FRMD3: variants seen among roughly 807,000 people sequenced by gnomAD.
FRMD3 encodes the protein FERM domain containing 3.
In FRMD3, 33 loss-of-function variants were observed where a neutral mutation model predicts 70.2. That is an observed-to-expected ratio of 0.47 (90% CI 0.36 to 0.63). The LOEUF (loss-of-function observed/expected upper bound fraction) is 0.63, where lower values mean the gene tolerates loss of function less well. Among genes scored for constraint, FRMD3 ranks in the 20% least tolerant of loss-of-function variants. FRMD3 has a pLI of 0.00. For synonymous variants in FRMD3, 279 were observed against 255.9 expected (o/e 1.09, Z -0.86); for missense variants, 632 against 711.4 (o/e 0.89, Z 1.27).
chr9:83,254,560 A>G lies in FRMD3; in HGVS notation c.1196-6044T>C, dbSNP rs938908974. ...AGAGAGAAGTGAAGGAGATAGAGGC[A>G]TAAAAAAAAAAATTCAAAAAGTCAA... On this transcript the variant is annotated intron_variant, in intron 13 of 13. Coordinates refer to ENST00000304195, the MANE Select transcript of FRMD3 (RefSeq NM_174938.6). Among the ~76,000 whole-genome samples, 5 of 151,760 alleles carry G rather than the reference A, an allele frequency of 3.3e-5. No individual in the cohort carries two copies. The South Asian group carries it at 1.0e-3, about 31-fold the overall frequency.
intron 1 of FRMD3, among the ~76,000 whole-genome samples, chr9:83,526,877 CT>C (rs5898832): frequency 0.12 from 17,509 of 142,466 alleles, 1,045 homozygotes; most frequent in East Asian, 0.34. Context: ...GAATAAGCTT[CT>C]TTTTTTTTTT....
chr9:83,443,936 C>CTTTTTAATT (rs1827381987), intron 1 of FRMD3, among the ~76,000 whole-genome samples: 1 of 152,178 alleles, frequency 6.6e-6, no homozygotes, highest in African/African-American at 2.4e-5. Context: ...CCACTGTGCT[C>CTTTTTAATT]TTTTTAATTT....
the FRMD3 span, among the ~76,000 whole-genome samples, chr9:83,550,686 T>TTGTGTGTGTGTGTGTG: frequency 1.3e-5 from 1 of 79,322 alleles, no homozygotes; most frequent in African/African-American, 4.7e-5. Context: ...TAGTCCTAGG[T>TTGTGTGTGTGTGTGTG]AGTGTGTGTG....
intron 1 of FRMD3, among the ~76,000 whole-genome samples, chr9:83,474,596 CAG>C (rs1227556395): frequency 6.6e-6 from 1 of 152,052 alleles, no homozygotes; most frequent in Non-Finnish European, 1.5e-5. Flanking sequence ...GCCTAAAAAA[CAG>C]AGAATACATG....
chr9:83,486,577 T>C (rs1828694914), intron 1 of FRMD3, among the ~76,000 whole-genome samples: 1 of 152,132 alleles, frequency 6.6e-6, no homozygotes, highest in Non-Finnish European at 1.5e-5. Flanking sequence ...AGAAGAAAAC[T>C]TAGGAAATAC....
intron 13 of FRMD3, among the ~76,000 whole-genome samples, chr9:83,282,591 G>A (rs1377028416): frequency 1.3e-5 from 2 of 151,046 alleles, no homozygotes; most frequent in Non-Finnish European, 2.9e-5. Context: ...AGAGTTAAGA[G>A]CTAGAAAGCA....
intron 6 of FRMD3, among the ~76,000 whole-genome samples, chr9:83,328,592 G>A (rs11140028): frequency 0.44 from 66,853 of 152,040 alleles, 15,068 homozygotes; most frequent in Admixed American, 0.5. Flanking sequence ...AAATTAGGAG[G>A]CAAATTAATT....
chr9:83,279,219 A>G (rs1462727450), intron 13 of FRMD3: 5 of 152,194 alleles, frequency 3.3e-5, no homozygotes, highest in Non-Finnish European at 7.3e-5. Context: ...AAAGTTCCCA[A>G]TTGGATGCCT....
chr9:83,508,741 A>C (rs560540658), intron 1 of FRMD3, among the ~76,000 whole-genome samples: 1 of 152,302 alleles, frequency 6.6e-6, no homozygotes, highest in South Asian at 2.1e-4. Context: ...GACAAACTGC[A>C]GCACGTGCCC....
At chr9:83,306,042 TC>T (rs1164117897) in intron 10 of FRMD3, among the ~76,000 whole-genome samples, 1 of 152,172 alleles carries the variant, frequency 6.6e-6, no homozygotes, top group Non-Finnish European at 1.5e-5. Context: ...GTTTTTTCTC[TC>T]CCTTTCTCCT....
upstream of FRMD3, chr9:83,538,558 C>T (rs567894094): frequency 6.6e-5 from 14 of 212,784 alleles, no homozygotes; most frequent in Non-Finnish European, 7.4e-5. The surrounding 1 kb of genome is among the most constrained non-coding windows in gnomAD (Gnocchi z 4.7). Flanking sequence ...CGCACTCACT[C>T]CCACGCGCGC....
rs1176821067 is a variant in FRMD3, at chr9:83,378,504, ATATATATAATATACATATAAAATT to A, written c.253-5573_253-5550del. Among the ~76,000 whole-genome samples, 189 of 80,712 alleles carry A rather than the reference ATATATATAATATACATATAAAATT, an allele frequency of 2.3e-3. 13 individuals carry two copies. Among genetic ancestry groups the A allele is most frequent in the African/African-American group, 8.0e-3 (178 of 22,166 alleles). 53.0% of individuals were successfully genotyped at this position (80,712 alleles called of 152,430 possible). On this transcript the variant is annotated intron_variant, in intron 2 of 13. Coordinates refer to ENST00000304195, the MANE Select transcript of FRMD3 (RefSeq NM_174938.6). ...TATATATAATATACATATAAAATTT[ATATATATAATATACATATAAAATT>A]TATATATATAATATACATATAAAAT...
At chr9:83,273,182 G>A (rs201330368) in intron 13 of FRMD3, among the ~76,000 whole-genome samples, 2,123 of 123,302 alleles carry the variant, frequency 0.017, 2 homozygotes, top group South Asian at 0.021. Context: ...TGGTTTTGTC[G>A]AATAGAAAAG....
At chr9:83,385,165 G>T (rs1330691990) in intron 2 of FRMD3, among the ~76,000 whole-genome samples, 2 of 142,634 alleles carry the variant, frequency 1.4e-5, no homozygotes, top group Non-Finnish European at 3.0e-5. Context: ...GAGCAGAAGT[G>T]GTAAAAAGAA....
rs1832181585 is a variant in FRMD3, at chr9:83,247,822, T to C, written c.*96A>G. On this transcript the variant is annotated 3_prime_UTR_variant, in exon 14 of 14. Transcript: ENST00000304195. ...TAATCAATTATGAGTAAGGAACACC[T>C]GTTGACAGCCCCGTGACCCTTCAGA... is the stretch of plus-strand genomic sequence containing the variant. The C allele has an allele frequency of 6.6e-7, 1 of 1,523,998 alleles. No homozygotes were observed. The highest frequency in any genetic ancestry group is 2.1e-5 in the Admixed American group (1 of 47,082). 94.4% of individuals were successfully genotyped at this position (1,523,998 alleles called of 1,614,324 possible).
chr9:83,498,528 C>G (rs1377666445), intron 1 of FRMD3, among the ~76,000 whole-genome samples: 2 of 152,162 alleles, frequency 1.3e-5, no homozygotes, highest in Non-Finnish European at 2.9e-5. Context: ...CACTGGCTAC[C>G]TGGGGCTATC....
chr9:83,339,383 T>C (rs74902880), intron 5 of FRMD3, among the ~76,000 whole-genome samples: 2,580 of 152,246 alleles, frequency 0.017, 90 homozygotes, highest in African/African-American at 0.059. Flanking sequence ...TGCTCATGAC[T>C]TGGAAGTTGA....
At chr9:83,539,338 G>C (rs561913614), upstream of FRMD3, among the ~76,000 whole-genome samples, 1 of 152,194 alleles carries the variant, frequency 6.6e-6, no homozygotes, top group Non-Finnish European at 1.5e-5. Context: ...GTCAGGTACC[G>C]TAGGCCCGAG....
chr9:83,569,424 C>T, the FRMD3 span, among the ~76,000 whole-genome samples: 8 of 152,352 alleles, frequency 5.3e-5, no homozygotes, highest in African/African-American at 9.6e-5. Flanking sequence ...CACCCACAGG[C>T]GTCTGCCTGG....
Sources: allele counts gnomAD v4.1 joint callset (sites outside exome capture counted in the v4.1 genomes callset), GRCh38; gene constraint gnomAD v4.1.1; non-coding constraint Gnocchi (gnomAD v3.1); transcripts MANE v1.5; gene names NCBI Gene and HGNC (gene_info 2026-07-23, HGNC 2026-07-21).